TMPRSS11D: variants seen among roughly 807,000 people sequenced by gnomAD.
The protein encoded by TMPRSS11D is transmembrane serine protease 11D.
In TMPRSS11D, 32 loss-of-function variants were observed where a neutral mutation model predicts 44.4. The ratio of observed to expected loss-of-function variants is 0.72; its 90% CI spans 0.54 to 0.97. The LOEUF is 0.97. Ranked by LOEUF, TMPRSS11D falls within the 50% of genes least tolerant of loss-of-function variation. The probability of loss-of-function intolerance (pLI) is 0.00; values close to 1 mark genes in which losing one functional copy is unlikely to be tolerated. For synonymous variants in TMPRSS11D, 179 were observed against 177.9 expected, an observed-to-expected ratio of 1.01 and a Z score of -0.05; for missense variants, 446 against 502.6, an observed-to-expected ratio of 0.89 and a Z score of 1.08.
intron 3 of TMPRSS11D, among the ~76,000 whole-genome samples, chr4:67,852,867 G>C (rs1179812725): frequency 6.6e-6 from 1 of 152,126 alleles, no homozygotes; most frequent in East Asian, 1.9e-4. Context: ...TGTCTTCATG[G>C]AACTTAGTCT....
Position 67,822,392 on chromosome 4 carries a change from A to T in TMPRSS11D, c.1202T>A (p.Val401Glu). 1 of 1,613,526 alleles carries T rather than the reference A, an allele frequency of 6.2e-7. No homozygotes were observed. Among genetic ancestry groups the T allele is most frequent in the Non-Finnish European group, 8.5e-7 (1 of 1,179,788 alleles). The change falls in exon 10 of 10, where the codon GTG becomes GAG. Residue 401 changes from valine (V) to glutamate (E), a missense_variant. Transcript: ENST00000283916. Reference sequence around the variant, plus strand: ...AAGGTAGGCTGTCACTCGAGTATACACTCCTGGCTTATCCGGCAGGCCACA... The same window carrying T: ...AAGGTAGGCTGTCACTCGAGTATACTCTCCTGGCTTATCCGGCAGGCCACA... Reference protein sequence around the residue: ...DQCGLPDKPGVYTRVTAYLDW... With the variant: ...DQCGLPDKPGEYTRVTAYLDW...
chr4:67,837,201 G>C (rs913109547), intron 5 of TMPRSS11D, among the ~76,000 whole-genome samples: 1 of 152,104 alleles, frequency 6.6e-6, no homozygotes, highest in South Asian at 2.1e-4. Flanking sequence ...AAGTGCGTTC[G>C]GGAGCATTCC....
chr4:67,860,599 G>A (rs1718772159), intron 1 of TMPRSS11D, among the ~76,000 whole-genome samples: 1 of 152,010 alleles, frequency 6.6e-6, no homozygotes, highest in Admixed American at 6.6e-5. Flanking sequence ...TTTAACATAG[G>A]CAAACTGTTT....
At chr4:67,870,230 C>G (rs931200349) in intron 1 of TMPRSS11D, among the ~76,000 whole-genome samples, 1 of 152,206 alleles carries the variant, frequency 6.6e-6, no homozygotes, top group Non-Finnish European at 1.5e-5. Context: ...TTTCTTGGTA[C>G]TGCATCAAGA....
At chr4:67,853,496 T>A (rs1175973841) in intron 3 of TMPRSS11D, among the ~76,000 whole-genome samples, 1 of 152,186 alleles carries the variant, frequency 6.6e-6, no homozygotes, top group Non-Finnish European at 1.5e-5. Context: ...TGGTCAAAAC[T>A]AAAGGGCAGC....
intron 2 of TMPRSS11D, among the ~76,000 whole-genome samples, chr4:67,857,310 TATATATATATATACAC>T (rs1371845415): frequency 7.5e-4 from 2 of 2,672 alleles, no homozygotes; most frequent in African/African-American, 1.2e-3. Flanking sequence ...TATATATATA[TATATATATATATACAC>T]ACACACACAC....
intron 7 of TMPRSS11D, among the ~76,000 whole-genome samples, chr4:67,832,801 G>A (rs986195654): frequency 6.6e-6 from 1 of 151,330 alleles, no homozygotes; most frequent in South Asian, 2.1e-4. Flanking sequence ...ACAGCAATTC[G>A]TTTCGCTAAC....
At chr4:67,853,167 GAGGTAACATGA>G (rs1440409937) in intron 3 of TMPRSS11D, among the ~76,000 whole-genome samples, 1 of 152,170 alleles carries the variant, frequency 6.6e-6, no homozygotes, top group Non-Finnish European at 1.5e-5. Flanking sequence ...TCTTGAGCTG[GAGGTAACATGA>G]AGGAAACAGG....
chr4:67,882,190 C>T (rs1271824249), intron 1 of TMPRSS11D, among the ~76,000 whole-genome samples: 1 of 152,054 alleles, frequency 6.6e-6, no homozygotes, highest in Non-Finnish European at 1.5e-5. Flanking sequence ...ATCAAACCAT[C>T]CAAGGCAGCC....
chr4:67,826,318 G>T (rs1270483160), intron 8 of TMPRSS11D, among the ~76,000 whole-genome samples: 1 of 151,966 alleles, frequency 6.6e-6, no homozygotes, highest in Non-Finnish European at 1.5e-5. Flanking sequence ...TTCATGACTG[G>T]TGCAAATGTT....
At chr4:67,835,925 G>C (rs1039834088) in intron 5 of TMPRSS11D, among the ~76,000 whole-genome samples, 1 of 152,078 alleles carries the variant, frequency 6.6e-6, no homozygotes, top group Non-Finnish European at 1.5e-5. Flanking sequence ...AGTATCAGAG[G>C]GTAAAGGTCT....
At position 67,854,205 on chromosome 4, in the gene TMPRSS11D, G is replaced by A. The variant is rs746662361; in HGVS notation, c.131-19C>T. 7.9e-7 allele frequency: 1 copy of A among 1,258,444 alleles called. No individual in the cohort carries two copies. Among genetic ancestry groups the A allele is most frequent in the Non-Finnish European group, 1.1e-6 (1 of 876,148 alleles). The allele number at this position is 1,258,444 out of a possible 1,614,324, so 78.0% of individuals were successfully genotyped here. On this transcript the variant is annotated intron_variant, in intron 2 of 9. Coordinates refer to ENST00000283916, the MANE Select transcript of TMPRSS11D (RefSeq NM_004262.3). ...TTTTGATCTGAAAAAGAAATAAAAGGGAAGGTCAGTCTTACTTTACTAAGT... is the reference window on the plus strand; with the variant it reads ...TTTTGATCTGAAAAAGAAATAAAAGAGAAGGTCAGTCTTACTTTACTAAGT...
chr4:67,837,191 A>T (rs780498630), intron 5 of TMPRSS11D, among the ~76,000 whole-genome samples: 7 of 152,150 alleles, frequency 4.6e-5, no homozygotes, highest in Non-Finnish European at 1.0e-4. Context: ...AACACTTGGG[A>T]AGTGCGTTCG....
In TMPRSS11D at chr4:67,827,272, T is replaced by C; in HGVS notation, c.941A>G (p.Gln314Arg). ...STAYVTGWGA[Q>R]EYAGHTVPEL... ...TCCGAGACACTTACCAGCATATTCT[T>C]GAGCGCCCCATCCTGTTACATAAGC... Residue 314 changes from glutamine (Q) to arginine (R), a missense_variant, in exon 8 of 10, where the codon CAA (glutamine) becomes CGA (arginine). By Grantham distance (43) the Gln-to-Arg change is conservative. Coordinates refer to ENST00000283916, the MANE Select transcript of TMPRSS11D (RefSeq NM_004262.3). The C allele has an allele frequency of 6.2e-7, 1 of 1,602,416 alleles. No individual in the cohort carries two copies. Among genetic ancestry groups the C allele is most frequent in the Non-Finnish European group, 8.5e-7 (1 of 1,176,506 alleles).
intron 2 of TMPRSS11D, among the ~76,000 whole-genome samples, chr4:67,855,645 T>G (rs1248230683): frequency 6.6e-6 from 1 of 152,180 alleles, no homozygotes; most frequent in East Asian, 1.9e-4. Flanking sequence ...AAGACAAAGA[T>G]GTCCACTTTC....
At chr4:67,827,116 C>A in intron 8 of TMPRSS11D, 145 bp downstream of exon 8, 1 of 1,032,574 alleles carries the variant, frequency 9.7e-7, no homozygotes, top group Non-Finnish European at 1.3e-6. Context: ...CAGGGGTAGC[C>A]AGAGCTTGGG....
At chr4:67,867,024 A>G (rs893851886) in intron 1 of TMPRSS11D, among the ~76,000 whole-genome samples, 2 of 152,120 alleles carry the variant, frequency 1.3e-5, no homozygotes, top group Admixed American at 1.3e-4. Flanking sequence ...AAAGAGCCAA[A>G]GCAATTCTAA....
At chr4:67,835,339 C>G (rs1268172726) in intron 5 of TMPRSS11D, among the ~76,000 whole-genome samples, 1 of 152,030 alleles carries the variant, frequency 6.6e-6, no homozygotes, top group African/African-American at 2.4e-5. Context: ...CAACCTTTTC[C>G]CAATTTGTTG....
At chr4:67,831,339 C>A (rs72643656) in intron 7 of TMPRSS11D, among the ~76,000 whole-genome samples, 130 of 152,220 alleles carry the variant, frequency 8.5e-4, no homozygotes, top group Non-Finnish European at 1.6e-3. Flanking sequence ...TGATGGTTCT[C>A]AGTGACAATC....
Sources: allele counts gnomAD v4.1 joint callset (sites outside exome capture counted in the v4.1 genomes callset), GRCh38; gene constraint gnomAD v4.1.1; transcripts MANE v1.5; gene names NCBI Gene and HGNC (gene_info 2026-07-23, HGNC 2026-07-21).